C16orf92: variants seen among roughly 807,000 people sequenced by gnomAD.
The protein encoded by C16orf92 is fertilization-influencing membrane protein 1.
A neutral mutation model predicts 13.7 loss-of-function variants in C16orf92; 14 were observed. That is an observed-to-expected ratio of 1.02 (90% CI 0.67 to 1.60). C16orf92 has a LOEUF of 1.60. Among genes scored for constraint, C16orf92 ranks in the 40% most tolerant of loss-of-function variants. The probability of loss-of-function intolerance (pLI) is 0.00; values close to 1 mark genes in which losing one functional copy is unlikely to be tolerated. For missense variants in C16orf92, 116 were observed against 139.0 expected (o/e 0.83, Z 0.83); for synonymous variants, 50 against 57.4 (o/e 0.87, Z 0.58).
At chr16:30,024,980 G>T, downstream of C16orf92, 1 of 510,406 alleles carries the variant, frequency 2.0e-6, no homozygotes, top group Admixed American at 3.8e-5. Flanking sequence ...GGGTGTGCAG[G>T]AAGGGGGCAG....
At position 30,024,289 on chromosome 16, in the gene C16orf92, TGA is replaced by T; in HGVS notation, c.*64_*65del. On this transcript the variant is annotated 3_prime_UTR_variant, in exon 4 of 4. Coordinates refer to ENST00000681219, the MANE Select transcript of C16orf92 (RefSeq NM_001109659.2). ...CCACACCCACCTCCTCTCCTGTTGA[TGA>T]GCAAAAGTTCCCTGCTTTCCTCCTC... is the stretch of plus-strand genomic sequence containing the variant. 6.4e-7 allele frequency: 1 copy of T among 1,567,624 alleles called. No homozygotes were observed. The highest frequency in any genetic ancestry group is 8.8e-7 in the Non-Finnish European group (1 of 1,141,204).
chr16:30,025,569 C>A, downstream of C16orf92: 1 of 1,539,618 alleles, frequency 6.5e-7, no homozygotes, highest in South Asian at 1.1e-5. This position sits in a 1 kb window ranked among gnomAD's most constrained non-coding sequence, Gnocchi z 4.1. Flanking sequence ...TCCTCCCAAA[C>A]CAGACACTTT....
At position 30,023,318 on chromosome 16, in the gene C16orf92, G is replaced by T; in HGVS notation, c.-23G>T. ...CAGCTCTGGGCTGTGACATCACAGA[G>T]CCCCCACCTCATGATAGGAGTCATG... On this transcript the variant is annotated 5_prime_UTR_variant, in exon 1 of 4. Coordinates refer to ENST00000681219, the MANE Select transcript of C16orf92 (RefSeq NM_001109659.2). The T allele has an allele frequency of 6.3e-7, 1 of 1,584,482 alleles. No homozygotes were observed. The highest frequency in any genetic ancestry group is 8.6e-7 in the Non-Finnish European group (1 of 1,164,942).
chr16:30,023,897 C>G lies in C16orf92; in HGVS notation c.223+12C>G. On this transcript the variant is annotated intron_variant, in intron 2 of 3. Coordinates refer to ENST00000681219, the MANE Select transcript of C16orf92 (RefSeq NM_001109659.2). Reference sequence around the variant, plus strand: ...GTTCATTAACTCAGGTATGAACCAGCTTGAGAAGGGACCTCCCTCCCCGCC... The same window carrying G: ...GTTCATTAACTCAGGTATGAACCAGGTTGAGAAGGGACCTCCCTCCCCGCC... 6.2e-7 allele frequency: 1 copy of G among 1,606,278 alleles called. No individual in the cohort carries two copies. The highest frequency in any genetic ancestry group is 1.3e-5 in the African/African-American group (1 of 74,854).
At chr16:30,027,647 A>G, downstream of C16orf92, 1 of 456,128 alleles carries the variant, frequency 2.2e-6, no homozygotes, top group South Asian at 1.5e-5. Context: ...AAAGGAGCCA[A>G]GGACAAAGAA....
downstream of C16orf92, chr16:30,027,551 C>T (rs1722245802): frequency 2.2e-6 from 1 of 456,060 alleles, no homozygotes; most frequent in South Asian, 1.5e-5. Context: ...CAGCGCTGTT[C>T]GCCCTGCCCC....
At chr16:30,026,897 A>G, downstream of C16orf92, 1 of 1,486,500 alleles carries the variant, frequency 6.7e-7, no homozygotes, top group South Asian at 1.2e-5. Flanking sequence ...GACACCAGTG[A>G]TTGGGGTCAG....
At chr16:30,025,182 C>G, downstream of C16orf92, 1 of 1,451,524 alleles carries the variant, frequency 6.9e-7, no homozygotes, top group Non-Finnish European at 9.0e-7. This position sits in a 1 kb window ranked among gnomAD's most constrained non-coding sequence, Gnocchi z 4.1. Context: ...GGCCCCCGGC[C>G]TCAGTCCTGG....
chr16:30,026,677 G>A (rs2071153550), downstream of C16orf92: 24 of 1,613,960 alleles, frequency 1.5e-5, no homozygotes, highest in Non-Finnish European at 2.0e-5. Flanking sequence ...TCCTTGTGCA[G>A]GTAGCCACGC....
chr16:30,026,496 G>T, downstream of C16orf92: 2 of 876,440 alleles, frequency 2.3e-6, no homozygotes, highest in Non-Finnish European at 3.6e-6. Context: ...GAATACGCTG[G>T]GTCTGCTTGG....
chr16:30,026,061 G>A (rs531276419), downstream of C16orf92, among the ~76,000 whole-genome samples: 33 of 152,172 alleles, frequency 2.2e-4, no homozygotes, highest in Non-Finnish European at 3.7e-4. Context: ...GTGAAACCCC[G>A]TCTGTACTAA....
In C16orf92 at chr16:30,024,394, C is replaced by T; in HGVS notation, c.*167C>T. ...CCAAGCCCCCCACCTCCTCCCTTCCCAGCCCCAAAGAACTTGGTGGCAAGG... is the reference window on the plus strand; with the variant it reads ...CCAAGCCCCCCACCTCCTCCCTTCCTAGCCCCAAAGAACTTGGTGGCAAGG... On this transcript the variant is annotated 3_prime_UTR_variant, in exon 4 of 4. Transcript: ENST00000681219. 9 of 969,888 alleles carry T rather than the reference C, an allele frequency of 9.3e-6. No homozygotes were observed. The South Asian group carries it at 1.5e-4, about 17-fold the overall frequency. The allele number at this position is 969,888 out of a possible 1,614,324, so 60.1% of individuals were successfully genotyped here. A position where few individuals can be genotyped will look rare whatever the true frequency, so the allele number is the denominator to read the frequency against.
chr16:30,024,966 G>A (rs1003802810), downstream of C16orf92: 11 of 487,238 alleles, frequency 2.3e-5, no homozygotes, highest in African/African-American at 1.8e-4. Flanking sequence ...CTCCTCCAGC[G>A]CAAGGGTGTG....
chr16:30,025,134 G>C, downstream of C16orf92: 1 of 1,274,160 alleles, frequency 7.8e-7, no homozygotes, highest in Non-Finnish European at 1.0e-6. This position sits in a 1 kb window ranked among gnomAD's most constrained non-coding sequence, Gnocchi z 4.1. Flanking sequence ...CCAGAGCCCT[G>C]TCTCCACGGG....
downstream of C16orf92, chr16:30,025,337 A>G: frequency 6.3e-7 from 1 of 1,583,600 alleles, no homozygotes; most frequent in Non-Finnish European, 8.6e-7. The surrounding 1 kb of genome is among the most constrained non-coding windows in gnomAD (Gnocchi z 4.1). Flanking sequence ...GGGCACGGCC[A>G]GCAGGGGCAG....
chr16:30,023,495 C>A, intron 1 of C16orf92, 91 bp downstream of exon 1: 1 of 1,420,106 alleles, frequency 7.0e-7, no homozygotes, highest in Non-Finnish European at 9.8e-7. Flanking sequence ...GCCAACCCTG[C>A]ACCCTCTCAT....
At chr16:30,026,912 C>T (rs2071168631), downstream of C16orf92, 1 of 1,337,784 alleles carries the variant, frequency 7.5e-7, no homozygotes, top group Non-Finnish European at 1.1e-6. Flanking sequence ...GGTCAGATCT[C>T]AGGGGTCAGC....
chr16:30,025,057 G>A (rs1199732354), downstream of C16orf92: 4 of 628,926 alleles, frequency 6.4e-6, no homozygotes, highest in African/African-American at 1.9e-5. This position sits in a 1 kb window ranked among gnomAD's most constrained non-coding sequence, Gnocchi z 4.1. Flanking sequence ...CTTCCCTTTC[G>A]GGGTCATCGT....
rs768352903 is a variant in C16orf92 at position 30,024,679 on chromosome 16, TAAATA to T, written c.*460_*464del. 1 of 186,536 alleles carries T rather than the reference TAAATA, an allele frequency of 5.4e-6. No individual in the cohort carries two copies. Among genetic ancestry groups the T allele is most frequent in the Non-Finnish European group, 1.1e-5 (1 of 91,306 alleles). 11.6% of individuals were successfully genotyped at this position (186,536 alleles called of 1,614,324 possible). ...ACAGACTAGTTCAAATTTGGGTAAA[TAAATA>T]AAATAAATAAGATTCCTCAAGCTGG... On this transcript the variant is annotated 3_prime_UTR_variant, in exon 4 of 4. Coordinates refer to ENST00000681219, the MANE Select transcript of C16orf92 (RefSeq NM_001109659.2).
Sources: gnomAD v4.1 joint callset for allele counts (sites outside exome capture counted in the v4.1 genomes callset) on GRCh38, gnomAD v4.1.1 for gene constraint, Gnocchi (gnomAD v3.1) non-coding constraint, MANE v1.5 for transcripts, NCBI Gene and HGNC (gene_info 2026-07-23, HGNC 2026-07-21) for gene names.